Variants in ALPK2 observed in about 807,000 individuals in gnomAD.
ALPK2 encodes the protein alpha-protein kinase 2.
ALPK2 carries 127 observed loss-of-function variants against 163.1 expected under a neutral mutation model. That is an observed-to-expected ratio of 0.78 (90% CI 0.67 to 0.90). ALPK2 has a LOEUF of 0.90. Ranked by LOEUF, ALPK2 falls within the 40% of genes least tolerant of loss-of-function variation. The pLI is 0.00. For missense variants in ALPK2, 2,360 were observed against 2,589.6 expected, an observed-to-expected ratio of 0.91 and a Z score of 1.92; for synonymous variants, 953 against 959.1, an observed-to-expected ratio of 0.99 and a Z score of 0.12.
Position 58,578,736 on chromosome 18 carries a change from A to ACACACACGCGCGCACGTGCGCG in ALPK2, c.1962+77_1962+78insCGCGCACGTGCGCGCGTGTGTG, listed in dbSNP as rs773192836. On this transcript the variant is annotated intron_variant, in intron 4 of 12. Transcript: ENST00000361673. Reference sequence around the variant, plus strand: ...GTGAATGTGAAGTAAAGGAAGAGACACACACACACACACACACACACACAC... The same window carrying ACACACACGCGCGCACGTGCGCG: ...GTGAATGTGAAGTAAAGGAAGAGACACACACACGCGCGCACGTGCGCGCACACACACACACACACACACACAC... The ACACACACGCGCGCACGTGCGCG allele has an allele frequency of 5.0e-5, 38 of 760,872 alleles. No individual in the cohort carries two copies. In the South Asian group the frequency reaches 7.0e-4, roughly 14 times the overall value. 47.1% of individuals were successfully genotyped at this position (760,872 alleles called of 1,614,324 possible).
At chr18:58,531,288 C>G (rs1250628936) in intron 5 of ALPK2, among the ~76,000 whole-genome samples, 1 of 152,008 alleles carries the variant, frequency 6.6e-6, no homozygotes, top group Non-Finnish European at 1.5e-5. Flanking sequence ...TAACTCCCGC[C>G]CCACCAGTTA....
intron 4 of ALPK2, among the ~76,000 whole-genome samples, chr18:58,571,221 C>T (rs2051884134): frequency 6.6e-6 from 1 of 151,884 alleles, no homozygotes; most frequent in Non-Finnish European, 1.5e-5. Flanking sequence ...AGGGATTCAC[C>T]ATGTTGGCCA....
At chr18:58,565,857 GTGC>G (rs2051850113) in intron 4 of ALPK2, among the ~76,000 whole-genome samples, 1 of 150,832 alleles carries the variant, frequency 6.6e-6, no homozygotes. Context: ...GAGTGCAGTG[GTGC>G]AACCTCTGCC....
At chr18:58,505,481 C>T (rs1489313779) in intron 10 of ALPK2, among the ~76,000 whole-genome samples, 1 of 152,134 alleles carries the variant, frequency 6.6e-6, no homozygotes, top group Non-Finnish European at 1.5e-5. Context: ...CTGCTCCATC[C>T]TGAACCACCT....
chr18:58,505,058 A>G (rs1214577453), intron 10 of ALPK2, among the ~76,000 whole-genome samples: 1 of 151,970 alleles, frequency 6.6e-6, no homozygotes, highest in Non-Finnish European at 1.5e-5. Flanking sequence ...TCCCCTTTGT[A>G]CTGAGTTGGA....
chr18:58,513,996 G>A (rs545855126), intron 10 of ALPK2, among the ~76,000 whole-genome samples: 57 of 152,312 alleles, frequency 3.7e-4, no homozygotes, highest in African/African-American at 1.3e-3. Flanking sequence ...TTGACTTGTG[G>A]GTTAAATCTT....
chr18:58,599,046 AC>A (rs2052055772), intron 3 of ALPK2, among the ~76,000 whole-genome samples: 1 of 151,978 alleles, frequency 6.6e-6, no homozygotes, highest in Non-Finnish European at 1.5e-5. Flanking sequence ...TCAACCTGTC[AC>A]CTGTCACCTG....
At chr18:58,498,781 CCA>C (rs1172508180) in intron 11 of ALPK2, among the ~76,000 whole-genome samples, 1 of 152,192 alleles carries the variant, frequency 6.6e-6, no homozygotes, top group Non-Finnish European at 1.5e-5. Context: ...TGGCCTGCTG[CCA>C]TGTAAGACGT....
At chr18:58,524,147 A>G in intron 6 of ALPK2, 85 bp from the exon 7 acceptor site, 1 of 1,513,896 alleles carries the variant, frequency 6.6e-7, no homozygotes, top group Admixed American at 2.1e-5. Flanking sequence ...AAAGAAGCTA[A>G]GACTTCCCTG....
Position 58,524,058 on chromosome 18 carries a change from C to T in ALPK2, c.5506G>A (p.Gly1836Arg). 1 of 1,612,724 alleles carries T rather than the reference C, an allele frequency of 6.2e-7. No homozygotes were observed. The highest frequency in any genetic ancestry group is 1.1e-5 in the South Asian group (1 of 91,034). The change falls in exon 7 of 13, where the codon GGG becomes AGG. Residue 1836 changes from glycine (G) to arginine (R), a missense_variant. Coordinates refer to ENST00000361673, the MANE Select transcript of ALPK2 (RefSeq NM_052947.4). ...GCAAAGGAAACAGTGGAGTTGTCCC[C>T]TGCACTGCAATGAGGAATATTCACA... ...KSIAQVQRSA[G>R]DNSTVSFAIV... is the part of the protein sequence containing the mutation.
chr18:58,546,697 T>A (rs4366793), intron 4 of ALPK2, among the ~76,000 whole-genome samples: 1 of 152,266 alleles, frequency 6.6e-6, no homozygotes, highest in East Asian at 1.9e-4. Context: ...GACCATGTAA[T>A]GGCAAACTCA....
In ALPK2 at chr18:58,627,103, C is replaced by T. The variant is rs1043953218; in HGVS notation, c.-21+1661G>A. Reference sequence around the variant, plus strand: ...GTCGATTCCAAATCTGACTCCAAAGCCTTTCTCAGGACCTCCCCTGCTTCT... The same window carrying T: ...GTCGATTCCAAATCTGACTCCAAAGTCTTTCTCAGGACCTCCCCTGCTTCT... On this transcript the variant is annotated intron_variant, in intron 1 of 12. Transcript: ENST00000361673. 2.0e-5 allele frequency among the ~76,000 whole-genome samples: 3 copies of T among 152,284 alleles called. No homozygotes were observed. In the East Asian group the frequency reaches 5.8e-4, roughly 29 times the overall value.
intron 12 of ALPK2, among the ~76,000 whole-genome samples, chr18:58,497,424 G>C (rs1472545160): frequency 2.6e-5 from 4 of 152,076 alleles, no homozygotes; most frequent in Non-Finnish European, 4.4e-5. Context: ...AAGTGGGAAG[G>C]GGCAGCTTGT....
chr18:58,496,474 G>T (rs1267158813), intron 12 of ALPK2, among the ~76,000 whole-genome samples: 1 of 152,192 alleles, frequency 6.6e-6, no homozygotes, highest in African/African-American at 2.4e-5. Context: ...AACCCAACTG[G>T]AAGCTTTGTG....
At chr18:58,624,234 G>A (rs78368127) in intron 1 of ALPK2, among the ~76,000 whole-genome samples, 2,758 of 152,214 alleles carry the variant, frequency 0.018, 36 homozygotes, top group South Asian at 0.028. Flanking sequence ...TGTTCACTCC[G>A]TCATCCACAG....
At position 58,607,306 on chromosome 18, in the gene ALPK2, G is replaced by A. The variant is rs770554439; in HGVS notation, c.227+16C>T. 1.9e-6 allele frequency: 3 copies of A among 1,549,264 alleles called. No individual in the cohort carries two copies. The African/African-American group carries it at 4.1e-5, about 21-fold the overall frequency. ...AAGGATATTAGTAAACAGTCCACAG[G>A]GGTATAGCCACTTACCAAGAGAGAT... On this transcript the variant is annotated intron_variant, in intron 3 of 12. Coordinates refer to ENST00000361673, the MANE Select transcript of ALPK2 (RefSeq NM_052947.4).
intron 1 of ALPK2, among the ~76,000 whole-genome samples, chr18:58,616,049 C>T (rs1456773167): frequency 2.0e-5 from 3 of 152,180 alleles, no homozygotes; most frequent in Non-Finnish European, 4.4e-5. Context: ...ATTTATCATT[C>T]TCTGCTAGAG....
chr18:58,560,426 G>T (rs2051819851), intron 4 of ALPK2, among the ~76,000 whole-genome samples: 1 of 152,180 alleles, frequency 6.6e-6, no homozygotes, highest in South Asian at 2.1e-4. Context: ...CCTCTGTCCA[G>T]CTTCTGCAGT....
rs976139366 is a variant in ALPK2 at position 58,580,534 on chromosome 18, T to C, written c.242A>G (p.Asp81Gly). The change falls in exon 4 of 13, where the codon GAT becomes GGT. Residue 81 changes from aspartate (D) to glycine (G), a missense_variant. Asp to Gly is a moderately conservative substitution (Grantham distance 94, BLOSUM62 -1). Transcript: ENST00000361673. ...VLHLSCCTKN[D>G]AAVYQISAKN... is the part of the protein sequence containing the mutation. ...AGCCGAGATTTGATAGACAGCAGCATCATTTTTGGTACAGCTAGGATGAAG... is the reference window on the plus strand; with the variant it reads ...AGCCGAGATTTGATAGACAGCAGCACCATTTTTGGTACAGCTAGGATGAAG... 1 of 1,613,300 alleles carries C rather than the reference T, an allele frequency of 6.2e-7. No individual in the cohort carries two copies. The highest frequency in any genetic ancestry group is 8.5e-7 in the Non-Finnish European group (1 of 1,179,564).
Sources: allele counts gnomAD v4.1 joint callset (sites outside exome capture counted in the v4.1 genomes callset), GRCh38; gene constraint gnomAD v4.1.1; transcripts MANE v1.5; gene names NCBI Gene and HGNC (gene_info 2026-07-23, HGNC 2026-07-21).